The following ANKS1B variants were observed in gnomAD, a reference collection of about 807,000 sequenced individuals.
ANKS1B encodes the protein ankyrin repeat and sterile alpha motif domain-containing protein 1B.
Under a neutral mutation model 148.3 loss-of-function variants are expected in ANKS1B, and 36 were observed. That is an observed-to-expected ratio of 0.24 (90% confidence interval 0.19 to 0.32). The LOEUF (loss-of-function observed/expected upper bound fraction) is 0.32. Ranked by LOEUF, ANKS1B falls within the 10% of genes least tolerant of loss-of-function variation. ANKS1B has a pLI of 1.00. For missense variants in ANKS1B, 1,157 were observed against 1,542.6 expected (o/e 0.75, Z 4.19); for synonymous variants, 542 against 560.8 (o/e 0.97, Z 0.47).
At chr12:99,891,063 T>A (rs544510799) in intron 1 of ANKS1B, among the ~76,000 whole-genome samples, 1 of 152,360 alleles carries the variant, frequency 6.6e-6, no homozygotes, top group Admixed American at 6.5e-5. Context: ...ATCTGACTCC[T>A]TTAAAGAAGC....
At chr12:99,950,901 T>A (rs2095203817) in intron 1 of ANKS1B, among the ~76,000 whole-genome samples, 1 of 152,198 alleles carries the variant, frequency 6.6e-6, no homozygotes, top group African/African-American at 2.4e-5. Flanking sequence ...TGGAAGCTCA[T>A]CCTCCAGAAG....
At chr12:99,592,008 GGTTT>G (rs1567427856) in intron 9 of ANKS1B, among the ~76,000 whole-genome samples, 1 of 152,022 alleles carries the variant, frequency 6.6e-6, no homozygotes, top group Non-Finnish European at 1.5e-5. Flanking sequence ...TAATGTGTAT[GGTTT>G]ATTTAAACTA....
intron 10 of ANKS1B, among the ~76,000 whole-genome samples, chr12:99,465,710 T>C (rs1390047810): frequency 1.3e-5 from 2 of 152,120 alleles, no homozygotes; most frequent in Middle Eastern, 6.3e-3. Context: ...CATTATATAA[T>C]GGTAAAGGGA....
chr12:99,808,238 C>T (rs2067885812), intron 3 of ANKS1B, among the ~76,000 whole-genome samples: 1 of 151,948 alleles, frequency 6.6e-6, no homozygotes, highest in Non-Finnish European at 1.5e-5. Context: ...CAGACCCAAA[C>T]AAATCTTAAT....
chr12:99,327,876 G>A (rs1014079497), intron 12 of ANKS1B, among the ~76,000 whole-genome samples: 2 of 151,816 alleles, frequency 1.3e-5, no homozygotes, highest in East Asian at 3.9e-4. Flanking sequence ...GAACATATAT[G>A]CATGTACTAG....
chr12:98,862,813 T>G (rs1003873814), intron 17 of ANKS1B, among the ~76,000 whole-genome samples: 15 of 152,206 alleles, frequency 9.9e-5, no homozygotes, highest in Non-Finnish European at 8.8e-5. Context: ...CTTTATATAT[T>G]ATACACATTC....
chr12:99,586,337 T>C (rs866604280), intron 9 of ANKS1B, among the ~76,000 whole-genome samples: 5 of 152,278 alleles, frequency 3.3e-5, no homozygotes, highest in Middle Eastern at 3.4e-3. Context: ...TTACTCCAGT[T>C]CCCAACAAGT....
intron 17 of ANKS1B, among the ~76,000 whole-genome samples, chr12:98,849,794 G>T (rs2099511951): frequency 1.3e-5 from 2 of 152,122 alleles, no homozygotes; most frequent in Admixed American, 6.5e-5. Context: ...GATTTTTGCA[G>T]GGAGAAAGAT....
chr12:99,826,622 C>A lies in ANKS1B; in HGVS notation c.135-1233G>T, dbSNP rs566836901. ...AAAATCTGCTGCAGGGAAGACAATG[C>A]AGGATGGAGAGAAAACAATGACTCC... On this transcript the variant is annotated intron_variant, in intron 1 of 26. Coordinates refer to ENST00000683438, the MANE Select transcript of ANKS1B (RefSeq NM_001352186.2). 5.9e-5 allele frequency among the ~76,000 whole-genome samples: 9 copies of A among 152,166 alleles called. No homozygotes were observed. In the East Asian group the frequency reaches 9.7e-4, roughly 16 times the overall value.
intron 17 of ANKS1B, among the ~76,000 whole-genome samples, chr12:98,935,930 T>C (rs1423314802): frequency 6.6e-6 from 1 of 152,202 alleles, no homozygotes; most frequent in South Asian, 2.1e-4. Flanking sequence ...GTAGCTATTA[T>C]TGTGTATAAA....
intron 15 of ANKS1B, among the ~76,000 whole-genome samples, chr12:99,152,681 A>G (rs369483496): frequency 5.9e-5 from 9 of 152,286 alleles, no homozygotes; most frequent in African/African-American, 1.9e-4. Flanking sequence ...CAGGAAATCC[A>G]AAGACCTAAC....
At chr12:99,704,553 T>C (rs1380872990) in intron 8 of ANKS1B, among the ~76,000 whole-genome samples, 1 of 148,148 alleles carries the variant, frequency 6.8e-6, no homozygotes, top group Non-Finnish European at 1.5e-5. Context: ...TTACATAATA[T>C]ATGCATACAC....
chr12:99,337,238 G>T (rs973155673), intron 12 of ANKS1B, among the ~76,000 whole-genome samples: 1 of 151,782 alleles, frequency 6.6e-6, no homozygotes, highest in African/African-American at 2.4e-5. Flanking sequence ...CTGTCTTCAA[G>T]CTCGGTTATT....
chr12:99,876,622 C>A (rs1383638619), intron 1 of ANKS1B, among the ~76,000 whole-genome samples: 1 of 151,522 alleles, frequency 6.6e-6, no homozygotes, highest in Non-Finnish European at 1.5e-5. Flanking sequence ...CCCAGCTACT[C>A]GGGAGGCTGA....
rs558390857 is a variant in ANKS1B, at chr12:99,639,947, G to A, written c.1272+15120C>T. Among the ~76,000 whole-genome samples the A allele has an allele frequency of 5.4e-4, 82 of 152,232 alleles. 1 individual carries two copies. The highest frequency in any genetic ancestry group is 1.5e-3 in the East Asian group (8 of 5,170). On this transcript the variant is annotated intron_variant, in intron 9 of 26. Coordinates refer to ENST00000683438, the MANE Select transcript of ANKS1B (RefSeq NM_001352186.2). ...AGCACTTTGGTAGGCCAAGGTGGGC[G>A]GACTACCTGAGGTCAGCAGTTCAAG...
In ANKS1B at chr12:98,744,272, T is replaced by C. The variant is rs2097835201; in HGVS notation, c.*1467A>G. ...ATTCTTCAACACTGAACTAAAACCG[T>C]ATACATTTGTTAGTTTGAAATAAAA... On this transcript the variant is annotated 3_prime_UTR_variant, in exon 27 of 27. Transcript: ENST00000683438. 1.1e-6 allele frequency: 1 copy of C among 937,086 alleles called. No homozygotes were observed. The highest frequency in any genetic ancestry group is 1.3e-6 in the Non-Finnish European group (1 of 785,744). 58.0% of individuals were successfully genotyped at this position (937,086 alleles called of 1,614,324 possible).
Position 99,200,510 on chromosome 12 carries a change from C to T in ANKS1B, c.2419+43832G>A, listed in dbSNP as rs145218484. On this transcript the variant is annotated intron_variant, in intron 14 of 26. Coordinates refer to ENST00000683438, the MANE Select transcript of ANKS1B (RefSeq NM_001352186.2). ...TAGTTTCAAATTATTATTTTTTTGTCATCATATGACTGGTAACATGTCATT... is the reference window on the plus strand; with the variant it reads ...TAGTTTCAAATTATTATTTTTTTGTTATCATATGACTGGTAACATGTCATT... Among the ~76,000 whole-genome samples, 149 of 152,174 alleles carry T rather than the reference C, an allele frequency of 9.8e-4. 1 individual carries two copies. The East Asian group carries it at 0.026, about 26-fold the overall frequency.
chr12:99,735,731 AGAG>A (rs2059551507), intron 8 of ANKS1B, among the ~76,000 whole-genome samples: 1 of 150,440 alleles, frequency 6.6e-6, no homozygotes, highest in Non-Finnish European at 1.5e-5. Context: ...AAAAAAATAA[AGAG>A]GAGGGAGTTC....
chr12:99,492,409 A>C (rs767434365), intron 10 of ANKS1B, among the ~76,000 whole-genome samples: 1 of 152,202 alleles, frequency 6.6e-6, no homozygotes, highest in African/African-American at 2.4e-5. Context: ...ATTAGGAATA[A>C]ATAGCCTAAC....
Sources: allele counts gnomAD v4.1 joint callset (sites outside exome capture counted in the v4.1 genomes callset), GRCh38; gene constraint gnomAD v4.1.1; transcripts MANE v1.5; gene names NCBI Gene and HGNC (gene_info 2026-07-23, HGNC 2026-07-21).